The following GPR158 variants were observed in gnomAD, a reference collection of about 807,000 sequenced individuals.
GPR158 encodes metabotropic glycine receptor.
GPR158 carries 30 observed loss-of-function variants against 78.2 expected under a neutral mutation model. The observed-to-expected ratio is 0.38, with a 90% CI of 0.29 to 0.52. GPR158 has a LOEUF of 0.52. GPR158 is among the 20% of genes least tolerant of loss of function. GPR158 has a pLI of 0.83. For missense variants in GPR158, 1,463 were observed against 1,523.5 expected, an observed-to-expected ratio of 0.96 and a Z score of 0.66; for synonymous variants, 581 against 591.1, an observed-to-expected ratio of 0.98 and a Z score of 0.25.
chr10:25,422,853 C>CCG (rs1554802455), intron 4 of GPR158, among the ~76,000 whole-genome samples: 3 of 144,782 alleles, frequency 2.1e-5, no homozygotes, highest in Non-Finnish European at 4.6e-5. Flanking sequence ...TTCCCTTACC[C>CCG]CCCCCACACT....
chr10:25,542,578 T>A (rs1836601471), intron 5 of GPR158, among the ~76,000 whole-genome samples: 1 of 152,120 alleles, frequency 6.6e-6, no homozygotes, highest in Non-Finnish European at 1.5e-5. Context: ...ATCCCAACAC[T>A]TTGAGAGGTC....
At chr10:25,580,907 T>A (rs1306154599) in intron 7 of GPR158, among the ~76,000 whole-genome samples, 1 of 96,104 alleles carries the variant, frequency 1.0e-5, no homozygotes, top group Non-Finnish European at 2.0e-5. Context: ...TTTATTTTTT[T>A]ATTTTATTTT....
Position 25,601,901 on chromosome 10 carries a change from A to G in GPR158, c.*2627A>G, listed in dbSNP as rs1837504252. 6.5e-6 allele frequency: 1 copy of G among 152,676 alleles called. No individual in the cohort carries two copies. Among genetic ancestry groups the G allele is most frequent in the Non-Finnish European group, 1.5e-5 (1 of 68,048 alleles). The allele number at this position is 152,676 out of a possible 1,614,324, so 9.5% of individuals were successfully genotyped here. On this transcript the variant is annotated 3_prime_UTR_variant, in exon 11 of 11. Transcript: ENST00000376351. ...ATGCAAGAATTAAATGCTTTACAAC[A>G]TGAAGTATAACTCAACCCATTGTAA...
chr10:25,372,114 T>C (rs1834003416), intron 2 of GPR158, among the ~76,000 whole-genome samples: 1 of 151,026 alleles, frequency 6.6e-6, no homozygotes, highest in Non-Finnish European at 1.5e-5. Flanking sequence ...AAAATGCTCA[T>C]CATCACTGGC....
At chr10:25,516,762 T>G (rs1204986666) in intron 5 of GPR158, among the ~76,000 whole-genome samples, 3 of 107,630 alleles carry the variant, frequency 2.8e-5, no homozygotes, top group Non-Finnish European at 5.5e-5. Context: ...CATGCTGTTT[T>G]GGTTACTGTA....
At chr10:25,322,977 G>C (rs1854976048) in intron 2 of GPR158, among the ~76,000 whole-genome samples, 1 of 152,034 alleles carries the variant, frequency 6.6e-6, no homozygotes, top group South Asian at 2.1e-4. Context: ...CTCCCGAGTA[G>C]CTGGGACTAC....
Position 25,495,788 on chromosome 10 carries a change from T to C in GPR158, c.1404+29069T>C, listed in dbSNP as rs572633351. Among the ~76,000 whole-genome samples the C allele has an allele frequency of 3.9e-5, 6 of 152,304 alleles. No individual in the cohort carries two copies. The South Asian group carries it at 1.2e-3, about 32-fold the overall frequency. On this transcript the variant is annotated intron_variant, in intron 5 of 10. Coordinates refer to ENST00000376351, the MANE Select transcript of GPR158 (RefSeq NM_020752.3). ...CATCATAAAATTACTAGTACCCATT[T>C]AAATTAAACAATAACCTCTTTTCTT...
At chr10:25,586,567 T>G (rs1341386745) in intron 7 of GPR158, among the ~76,000 whole-genome samples, 2 of 151,810 alleles carry the variant, frequency 1.3e-5, no homozygotes, top group Admixed American at 6.6e-5. Context: ...CACACCAGGC[T>G]AATTTTTTAA....
At chr10:25,466,803 C>CAT in intron 5 of GPR158, 84 bp downstream of exon 5, 2 of 604,434 alleles carry the variant, frequency 3.3e-6, no homozygotes, top group Non-Finnish European at 2.8e-6. Context: ...CACACACACA[C>CAT]ACATACACAC....
At chr10:25,517,039 TG>T (rs1283539617) in intron 5 of GPR158, among the ~76,000 whole-genome samples, 4 of 150,334 alleles carry the variant, frequency 2.7e-5, no homozygotes, top group African/African-American at 1.0e-4. Flanking sequence ...TATCCTCTTT[TG>T]TTTCATTGAG....
intron 5 of GPR158, among the ~76,000 whole-genome samples, chr10:25,515,801 G>T (rs1836162126): frequency 6.8e-6 from 1 of 147,700 alleles, no homozygotes; most frequent in East Asian, 2.0e-4. Flanking sequence ...CCAAGTCTTT[G>T]CTATTGTGAA....
intron 4 of GPR158, among the ~76,000 whole-genome samples, chr10:25,442,719 C>T (rs1001887109): frequency 3.9e-5 from 6 of 152,096 alleles, no homozygotes; most frequent in Admixed American, 3.9e-4. Context: ...AGCTCTATTC[C>T]TTTCTCCATA....
intron 6 of GPR158, among the ~76,000 whole-genome samples, chr10:25,553,486 C>G (rs977289651): frequency 2.0e-5 from 3 of 152,030 alleles, no homozygotes; most frequent in Non-Finnish European, 4.4e-5. Flanking sequence ...CTCTATATTG[C>G]TTAAATTTAA....
chr10:25,557,686 A>T (rs1427435467), intron 6 of GPR158, among the ~76,000 whole-genome samples: 1 of 152,218 alleles, frequency 6.6e-6, no homozygotes, highest in African/African-American at 2.4e-5. Flanking sequence ...CCATTTATAG[A>T]TTAGTATGTT....
At chr10:25,352,703 AAG>A in intron 2 of GPR158, among the ~76,000 whole-genome samples, 1 of 152,032 alleles carries the variant, frequency 6.6e-6, no homozygotes, top group East Asian at 1.9e-4. Flanking sequence ...TTCTAGTTCT[AAG>A]AGGATAAAGG....
At chr10:25,354,422 T>C (rs189376868) in intron 2 of GPR158, among the ~76,000 whole-genome samples, 1,705 of 151,632 alleles carry the variant, frequency 0.011, 7 homozygotes, top group Non-Finnish European at 0.016. Context: ...AGAAGCAAAC[T>C]AAGAAAAAAA....
rs1244388274 is a variant in GPR158 at position 25,526,112 on chromosome 10, A to G, written c.1405-24864A>G. 4.9e-4 allele frequency among the ~76,000 whole-genome samples: 73 copies of G among 149,926 alleles called. 1 individual carries two copies. The highest frequency in any genetic ancestry group is 3.4e-3 in the Admixed American group (51 of 15,126). On this transcript the variant is annotated intron_variant, in intron 5 of 10. Transcript: ENST00000376351. ...ACAGTCCAATTTTGTCTAAAAAAAA[A>G]AAAAAAAAAAAAAAAAAAAGTCATA...
intron 2 of GPR158, among the ~76,000 whole-genome samples, chr10:25,224,344 A>G (rs187838976): frequency 6.6e-6 from 1 of 152,046 alleles, no homozygotes; most frequent in East Asian, 1.9e-4. Context: ...CCATTAGTAA[A>G]TACCTTTTAA....
intron 1 of GPR158, among the ~76,000 whole-genome samples, chr10:25,195,924 T>C (rs948828745): frequency 2.0e-5 from 3 of 152,216 alleles, no homozygotes; most frequent in Non-Finnish European, 2.9e-5. Flanking sequence ...TTATGAAAAC[T>C]TTGATGTAAC....
Sources: allele counts gnomAD v4.1 joint callset (sites outside exome capture counted in the v4.1 genomes callset), GRCh38; gene constraint gnomAD v4.1.1; transcripts MANE v1.5; gene names NCBI Gene and HGNC (gene_info 2026-07-23, HGNC 2026-07-21).